Variants in ENTREP2 observed in about 807,000 individuals in gnomAD.
ENTREP2 encodes the protein endosomal transmembrane epsin interactor 2.
At chr15:29,592,249 A>C in the ENTREP2 span, among the ~76,000 whole-genome samples, 2 of 152,358 alleles carry the variant, frequency 1.3e-5, no homozygotes, top group African/African-American at 4.8e-5. Context: ...CATCTGTGCC[A>C]AAATCAGGCA....
At chr15:29,455,583 C>T in the ENTREP2 span, among the ~76,000 whole-genome samples, 1 of 152,202 alleles carries the variant, frequency 6.6e-6, no homozygotes, top group Non-Finnish European at 1.5e-5. Flanking sequence ...TTTTGCCACA[C>T]AGCCAGTTCT....
the ENTREP2 span, among the ~76,000 whole-genome samples, chr15:29,289,854 T>C: frequency 1.3e-5 from 2 of 152,046 alleles, no homozygotes; most frequent in African/African-American, 2.4e-5. Context: ...TCAAAAAATA[T>C]ATATATACAT....
chr15:29,476,293 A>T, the ENTREP2 span, among the ~76,000 whole-genome samples: 1 of 152,210 alleles, frequency 6.6e-6, no homozygotes, highest in East Asian at 1.9e-4. Context: ...AGCCACCATA[A>T]AGTTGACCAC....
the ENTREP2 span, among the ~76,000 whole-genome samples, chr15:29,162,565 G>A: frequency 9.5e-3 from 1,450 of 152,166 alleles, 23 homozygotes; most frequent in African/African-American, 0.034. Flanking sequence ...AAACCTGCAT[G>A]ACTCAGCAGA....
chr15:29,159,903 A>G, the ENTREP2 span, among the ~76,000 whole-genome samples: 1 of 152,256 alleles, frequency 6.6e-6, no homozygotes, highest in Non-Finnish European at 1.5e-5. Flanking sequence ...GCTGCCTGCC[A>G]GTACCGCGCT....
the ENTREP2 span, among the ~76,000 whole-genome samples, chr15:29,546,728 T>C: frequency 6.6e-6 from 1 of 151,570 alleles, no homozygotes; most frequent in Middle Eastern, 3.4e-3. Context: ...CTACTAAAAA[T>C]ACAAACAAAT....
chr15:29,144,554 A>C, the ENTREP2 span, among the ~76,000 whole-genome samples: 2,476 of 152,118 alleles, frequency 0.016, 70 homozygotes, highest in African/African-American at 0.057. Flanking sequence ...CATAGAGGGA[A>C]CCTGTCTCTA....
chr15:29,647,762 C>G, the ENTREP2 span, among the ~76,000 whole-genome samples: 1 of 152,066 alleles, frequency 6.6e-6, no homozygotes, highest in Non-Finnish European at 1.5e-5. Context: ...CCGGAAAACC[C>G]TCCAGAGGAC....
chr15:29,519,263 C>A, the ENTREP2 span, among the ~76,000 whole-genome samples: 1 of 151,870 alleles, frequency 6.6e-6, no homozygotes, highest in Non-Finnish European at 1.5e-5. Flanking sequence ...AAATATACAG[C>A]TGACCTTGGA....
At chr15:29,275,437 G>A in the ENTREP2 span, among the ~76,000 whole-genome samples, 1 of 152,168 alleles carries the variant, frequency 6.6e-6, no homozygotes, top group Non-Finnish European at 1.5e-5. Flanking sequence ...ATTCGAATAT[G>A]GCATTTGTGA....
At chr15:29,255,463 T>TTG in the ENTREP2 span, among the ~76,000 whole-genome samples, 1 of 151,976 alleles carries the variant, frequency 6.6e-6, no homozygotes, top group Non-Finnish European at 1.5e-5. Flanking sequence ...AATGTGGAGA[T>TTG]TTCTCAAATA....
the ENTREP2 span, among the ~76,000 whole-genome samples, chr15:29,593,289 G>C: frequency 1.3e-5 from 2 of 152,144 alleles, no homozygotes; most frequent in Non-Finnish European, 2.9e-5. Flanking sequence ...CAGTTAACAA[G>C]CTAATGTCAG....
chr15:29,611,523 T>G, the ENTREP2 span, among the ~76,000 whole-genome samples: 1 of 152,040 alleles, frequency 6.6e-6, no homozygotes, highest in African/African-American at 2.4e-5. Context: ...CGTGCACCCT[T>G]AACTTATGTC....
the ENTREP2 span, among the ~76,000 whole-genome samples, chr15:29,254,615 T>C: frequency 2.0e-5 from 3 of 152,110 alleles, no homozygotes; most frequent in Admixed American, 1.3e-4. Context: ...TCCCAGCACT[T>C]TGGGAGGCCA....
the ENTREP2 span, among the ~76,000 whole-genome samples, chr15:29,148,570 G>A: frequency 6.6e-6 from 1 of 152,132 alleles, no homozygotes; most frequent in Non-Finnish European, 1.5e-5. Flanking sequence ...TTGTTATACT[G>A]TATTGTTTTT....
chr15:29,269,417 G>GC, the ENTREP2 span: 1 of 1,614,134 alleles, frequency 6.2e-7, no homozygotes, highest in Non-Finnish European at 8.5e-7. Context: ...TCTTTAATCA[G>GC]CAAGAACTGC....
At chr15:29,336,901 G>A in the ENTREP2 span, among the ~76,000 whole-genome samples, 11 of 152,062 alleles carry the variant, frequency 7.2e-5, no homozygotes, top group African/African-American at 2.4e-4. Flanking sequence ...CAGCAGCGCC[G>A]AGGTCCTTCC....
chr15:29,596,751 T>G, the ENTREP2 span, among the ~76,000 whole-genome samples: 1 of 152,178 alleles, frequency 6.6e-6, no homozygotes, highest in Non-Finnish European at 1.5e-5. Flanking sequence ...CACTGCAACC[T>G]CTGTTTCCTG....
the ENTREP2 span, chr15:29,269,129 T>C: frequency 3.7e-6 from 6 of 1,614,018 alleles, no homozygotes; most frequent in East Asian, 2.2e-5. Context: ...GTTTCCTTGA[T>C]GGTGTTGCCC....
Sources: allele counts gnomAD v4.1 joint callset (sites outside exome capture counted in the v4.1 genomes callset), GRCh38; gene constraint gnomAD v4.1.1; transcripts MANE v1.5; gene names NCBI Gene and HGNC (gene_info 2026-07-23, HGNC 2026-07-21).